Variants in DEAF1 observed in about 807,000 individuals in gnomAD.
DEAF1 encodes DEAF1 transcription factor.
In DEAF1, 53 loss-of-function variants were observed where a neutral mutation model predicts 58.9. That is an observed-to-expected ratio of 0.90 (90% confidence interval 0.72 to 1.13). The LOEUF (loss-of-function observed/expected upper bound fraction) is 1.13, where lower values mean the gene tolerates loss of function less well. DEAF1 is among the 50% of genes most tolerant of loss of function. The pLI is 0.00. For missense variants in DEAF1, 685 were observed against 791.4 expected (o/e 0.87, Z 1.61); for synonymous variants, 385 against 340.4 (o/e 1.13, Z -1.44).
intron 11 of DEAF1, among the ~76,000 whole-genome samples, chr11:649,205 T>C (rs895206757): frequency 5.3e-5 from 8 of 151,964 alleles, no homozygotes; most frequent in Non-Finnish European, 1.0e-4. Flanking sequence ...GAGCCGAGAT[T>C]GCGCCACTGC....
At chr11:700,424 G>A (rs531521020) in intron 1 of DEAF1, among the ~76,000 whole-genome samples, 1 of 151,866 alleles carries the variant, frequency 6.6e-6, no homozygotes, top group South Asian at 2.1e-4. Context: ...CTACTCGGGA[G>A]ACTGAGGTGG....
In DEAF1 at chr11:656,158, C is replaced by CTCT. The variant is rs372871736; in HGVS notation, c.1504-2108_1504-2107insAGA. ...CTGTGCCTCTACTTTAAATGACAAACTTTTTTTTTTTTTTTGAGATGGAGT... is the reference window on the plus strand; with the variant it reads ...CTGTGCCTCTACTTTAAATGACAAACTCTTTTTTTTTTTTTTTTGAGATGGAGT... On this transcript the variant is annotated intron_variant, in intron 10 of 11. Coordinates refer to ENST00000382409, the MANE Select transcript of DEAF1 (RefSeq NM_021008.4). 5.9e-4 allele frequency among the ~76,000 whole-genome samples: 73 copies of CTCT among 124,318 alleles called. 2 individuals carry two copies. Among genetic ancestry groups the CTCT allele is most frequent in the African/African-American group, 9.4e-4 (34 of 36,252 alleles). The allele number at this position is 124,318 out of a possible 152,430, so 81.6% of individuals were successfully genotyped here. A position where few individuals can be genotyped will look rare whatever the true frequency, so the allele number is the denominator to read the frequency against.
In DEAF1 at chr11:681,005, G is replaced by A; in HGVS notation, c.955C>T (p.Pro319Ser). 4.3e-6 allele frequency: 7 copies of A among 1,614,180 alleles called. No individual in the cohort carries two copies. The highest frequency in any genetic ancestry group is 5.9e-6 in the Non-Finnish European group (7 of 1,180,034). Residue 319 changes from proline to serine, a missense_variant, in exon 7 of 12, where the codon CCC (proline) becomes TCC (serine). Pro to Ser is a moderately conservative substitution (Grantham distance 74). This residue lies in a region of DEAF1 where 343 missense variants were observed against 379.8 expected (regional missense o/e 0.90). Transcript: ENST00000382409. ...GCTGGAAGCAATGTGATGTTCTTGG[G>A]GGAGTCCTTCTTCACGGGAGTTGTG... The part of the protein sequence containing the change: ...LPTTPVKKDS[P>S]KNITLLPATA...
At chr11:669,487 T>G (rs930551615) in intron 10 of DEAF1, among the ~76,000 whole-genome samples, 1 of 147,842 alleles carries the variant, frequency 6.8e-6, no homozygotes, top group Non-Finnish European at 1.5e-5. Context: ...AAATACAAAA[T>G]TAGCTGGGCG....
At chr11:691,193 C>T (rs867054911) in intron 2 of DEAF1, among the ~76,000 whole-genome samples, 5 of 152,370 alleles carry the variant, frequency 3.3e-5, no homozygotes, top group African/African-American at 9.6e-5. Context: ...GGCCGGGCCT[C>T]GGGCAGAGGC....
chr11:685,563 C>T (rs1860557591), intron 5 of DEAF1, among the ~76,000 whole-genome samples: 1 of 152,012 alleles, frequency 6.6e-6, no homozygotes, highest in African/African-American at 2.4e-5. Flanking sequence ...GGCATGGTGG[C>T]GCATGCCCAT....
intron 10 of DEAF1, among the ~76,000 whole-genome samples, chr11:658,485 A>G (rs926323640): frequency 3.9e-5 from 6 of 152,260 alleles, no homozygotes; most frequent in African/African-American, 1.4e-4. Context: ...TGCGTTGCAG[A>G]AGGTTAGGAC....
At chr11:659,439 G>A (rs1859213558) in intron 10 of DEAF1, among the ~76,000 whole-genome samples, 1 of 152,090 alleles carries the variant, frequency 6.6e-6, no homozygotes, top group South Asian at 2.1e-4. Context: ...ACACACCCCG[G>A]ATGGAGATGA....
At chr11:648,706 A>G (rs1858615224) in intron 11 of DEAF1, among the ~76,000 whole-genome samples, 1 of 152,192 alleles carries the variant, frequency 6.6e-6, no homozygotes, top group Non-Finnish European at 1.5e-5. Flanking sequence ...CTGCTTGAGG[A>G]AATTCTATCC....
At chr11:654,456 C>T (rs563515407) in intron 10 of DEAF1, among the ~76,000 whole-genome samples, 9 of 151,256 alleles carry the variant, frequency 6.0e-5, no homozygotes, top group Non-Finnish European at 1.2e-4. Flanking sequence ...TGAGCCACTG[C>T]GCCCAGCTCC....
Position 679,807 on chromosome 11 carries a change from G to C in DEAF1, c.1007C>G (p.Thr336Ser). The change falls in exon 8 of 12, where the codon ACC becomes AGC. Residue 336 changes from threonine (T) to serine (S), a missense_variant. Physicochemically the swap from Thr to Ser is moderately conservative, Grantham distance 58. Coordinates refer to ENST00000382409, the MANE Select transcript of DEAF1 (RefSeq NM_021008.4). Reference protein sequence around the residue: ...PATAATTFTVTPSGQITTSGA... With the variant: ...PATAATTFTVSPSGQITTSGA... ...CGAGGTCGTGATCTGTCCCGAGGGG[G>C]TCACGGTGACTGGAAAGGCAGAAGC... 6.2e-7 allele frequency: 1 copy of C among 1,613,640 alleles called. No individual in the cohort carries two copies. Among genetic ancestry groups the C allele is most frequent in the Non-Finnish European group, 8.5e-7 (1 of 1,180,024 alleles).
chr11:674,503 C>T (rs1859968032), intron 10 of DEAF1, 33 bp downstream of exon 10: 1 of 1,613,326 alleles, frequency 6.2e-7, no homozygotes, highest in Non-Finnish European at 8.5e-7. Flanking sequence ...TTACTCGGCA[C>T]AGGTCGTGTC....
intron 11 of DEAF1, among the ~76,000 whole-genome samples, chr11:651,812 G>C (rs1295443995): frequency 6.6e-6 from 1 of 152,252 alleles, no homozygotes; most frequent in African/African-American, 2.4e-5. Flanking sequence ...CGTGAACCTG[G>C]GAGGCGGAGC....
At chr11:670,774 T>TTG (rs1859782103) in intron 10 of DEAF1, among the ~76,000 whole-genome samples, 3 of 72,186 alleles carry the variant, frequency 4.2e-5, no homozygotes, top group African/African-American at 2.3e-4. Context: ...TCTTTTTGTT[T>TTG]TTGTTTTTTT....
rs1861589893 is a variant in DEAF1 at position 703,414 on chromosome 11, A to G, written c.-438+3158T>C. ...CCTTCAAGATGAGTCCCAGGAGCGC[A>G]CACTCAGCCCTGTCAGTGGGGTCTG... On this transcript the variant is annotated intron_variant, in intron 1 of 11. Transcript: ENST00000683307. The G allele has an allele frequency of 5.3e-6, 7 of 1,326,344 alleles. No individual in the cohort carries two copies. The East Asian group carries it at 1.8e-4, about 33-fold the overall frequency. 82.2% of individuals were successfully genotyped at this position (1,326,344 alleles called of 1,614,324 possible).
intron 1 of DEAF1, among the ~76,000 whole-genome samples, chr11:701,560 G>A (rs542032910): frequency 1.3e-4 from 20 of 152,028 alleles, no homozygotes; most frequent in Middle Eastern, 6.8e-3. Context: ...ACAGGTGCCC[G>A]CCACCACGCC....
intron 9 of DEAF1, among the ~76,000 whole-genome samples, chr11:677,850 C>T (rs2133374893): frequency 6.6e-6 from 1 of 152,066 alleles, no homozygotes; most frequent in South Asian, 2.1e-4. Flanking sequence ...GTAGTCCCAG[C>T]TACTCAGGAG....
intron 10 of DEAF1, among the ~76,000 whole-genome samples, chr11:655,546 C>T (rs1254607871): frequency 2.7e-5 from 4 of 150,326 alleles, no homozygotes; most frequent in Admixed American, 6.7e-5. Context: ...TCCGCAGCTG[C>T]GGGAGGGGCC....
chr11:674,530 G>A lies in DEAF1; in HGVS notation c.1503+6C>T, dbSNP rs763153346. The A allele has an allele frequency of 9.3e-6, 15 of 1,613,870 alleles. No individual in the cohort carries two copies. Among genetic ancestry groups the A allele is most frequent in the Non-Finnish European group, 1.3e-5 (15 of 1,180,020 alleles). On this transcript the variant is annotated splice_donor_region_variant and intron_variant, in intron 10 of 11. Transcript: ENST00000382409. ...GGTCGTGTCTTCCCATTTGTTCCAA[G>A]GTTACCTCCTTCCGCTCTGCGTCAG... is the stretch of plus-strand genomic sequence containing the variant.
Sources: allele counts gnomAD v4.1 joint callset (sites outside exome capture counted in the v4.1 genomes callset), GRCh38; gene constraint gnomAD v4.1.1; regional missense constraint gnomAD v4.1.1; transcripts MANE v1.5; gene names NCBI Gene and HGNC (gene_info 2026-07-23, HGNC 2026-07-21).